Variants in ARFGEF1 observed in about 807,000 individuals in gnomAD.
ARFGEF1 encodes ARF guanine nucleotide exchange factor 1.
Under a neutral mutation model 231.0 loss-of-function variants are expected in ARFGEF1, and 42 were observed. The observed-to-expected ratio is 0.18, with a 90% CI of 0.14 to 0.24. ARFGEF1 has a LOEUF of 0.24. ARFGEF1 is among the 10% of genes least tolerant of loss of function. The pLI, the probability that ARFGEF1 is intolerant of heterozygous loss-of-function variation, is 1.00. For synonymous variants in ARFGEF1, 710 were observed against 732.3 expected (o/e 0.97, Z 0.49); for missense variants, 1,345 against 2,192.0 (o/e 0.61, Z 7.72).
At chr8:67,223,412 G>C (rs750890320) in intron 29 of ARFGEF1, among the ~76,000 whole-genome samples, 2 of 152,176 alleles carry the variant, frequency 1.3e-5, no homozygotes, top group East Asian at 3.9e-4. Flanking sequence ...ATGTTGCCTA[G>C]GTTGGTTTCA....
chr8:67,199,351 T>C, intron 38 of ARFGEF1: 1 of 348,498 alleles, frequency 2.9e-6, no homozygotes, highest in Non-Finnish European at 5.1e-6. Flanking sequence ...TTTAGTAATT[T>C]AGCACTGTTT....
chr8:67,184,050 A>G (rs1337401254), intron 5 of ARFGEF1, among the ~76,000 whole-genome samples: 1 of 151,962 alleles, frequency 6.6e-6, no homozygotes, highest in African/African-American at 2.4e-5. Flanking sequence ...ACGGGGTTTC[A>G]CCGTGTTGGC....
intron 1 of ARFGEF1, among the ~76,000 whole-genome samples, chr8:67,309,521 TC>T (rs1308822330): frequency 1.3e-5 from 2 of 152,182 alleles, no homozygotes. Flanking sequence ...TCGCATACCT[TC>T]CCTACTTATG....
At chr8:67,249,429 T>TA (rs1177305429) in intron 19 of ARFGEF1, among the ~76,000 whole-genome samples, 4 of 149,950 alleles carry the variant, frequency 2.7e-5, no homozygotes, top group Non-Finnish European at 5.9e-5. Flanking sequence ...ACAACGGGTT[T>TA]ATTGAGACAT....
chr8:67,211,368 A>AAAAAAAAAG (rs1176673836), intron 34 of ARFGEF1, 115 bp downstream of exon 34: 1 of 596,920 alleles, frequency 1.7e-6, no homozygotes, highest in African/African-American at 2.0e-5. Context: ...AAAAAAAAGA[A>AAAAAAAAAG]GTGATGACAC....
At chr8:67,321,373 A>G (rs75535106) in intron 1 of ARFGEF1, among the ~76,000 whole-genome samples, 4,480 of 152,310 alleles carry the variant, frequency 0.029, 77 homozygotes, top group Non-Finnish European at 0.046. Context: ...CAGTAATGTG[A>G]CGTAGTTGGT....
chr8:67,296,008 T>C (rs917633450), intron 5 of ARFGEF1, among the ~76,000 whole-genome samples: 1 of 152,192 alleles, frequency 6.6e-6, no homozygotes, highest in Non-Finnish European at 1.5e-5. Flanking sequence ...ATAAGGAATA[T>C]CATGCCCCTT....
chr8:67,192,369 C>T (rs776871583), intron 5 of ARFGEF1, among the ~76,000 whole-genome samples: 2 of 152,176 alleles, frequency 1.3e-5, no homozygotes, highest in Non-Finnish European at 2.9e-5. Context: ...GCCACCGCGC[C>T]CAGCCCTTTG....
Position 67,218,428 on chromosome 8 carries a change from T to C in ARFGEF1, c.4339-290A>G, listed in dbSNP as rs1386475349. Among the ~76,000 whole-genome samples the C allele has an allele frequency of 2.0e-5, 3 of 151,644 alleles. No homozygotes were observed. The East Asian group carries it at 5.8e-4, about 29-fold the overall frequency. ...TGATTATTAAAAAAAACCATCACCG[T>C]ATCATCTTGATACTAACATTATGAT... On this transcript the variant is annotated intron_variant, in intron 30 of 38. Coordinates refer to ENST00000262215, the MANE Select transcript of ARFGEF1 (RefSeq NM_006421.5).
At chr8:67,273,324 T>C (rs998397607) in intron 9 of ARFGEF1, among the ~76,000 whole-genome samples, 3 of 147,400 alleles carry the variant, frequency 2.0e-5, no homozygotes, top group African/African-American at 7.5e-5. Context: ...GAAACTGATC[T>C]CTTAAGCCCA....
chr8:67,239,131 C>A (rs1244667392), intron 20 of ARFGEF1, among the ~76,000 whole-genome samples: 7 of 151,996 alleles, frequency 4.6e-5, no homozygotes, highest in African/African-American at 1.7e-4. Flanking sequence ...CTCAGCCTCC[C>A]GAGTAGCTGG....
chr8:67,243,215 T>C (rs1214385511), intron 19 of ARFGEF1, among the ~76,000 whole-genome samples: 2 of 152,326 alleles, frequency 1.3e-5, no homozygotes. Context: ...CTAAAGCAGA[T>C]ACGGCATGGA....
rs552162558 is a variant in ARFGEF1, at chr8:67,288,385, C to T, written c.917-320G>A. Among the ~76,000 whole-genome samples, 244 of 149,938 alleles carry T rather than the reference C, an allele frequency of 1.6e-3. 1 individual carries two copies. Among genetic ancestry groups the T allele is most frequent in the African/African-American group, 5.5e-3 (216 of 39,280 alleles). On this transcript the variant is annotated intron_variant, in intron 6 of 38. Transcript: ENST00000262215. ...AATGAAACATTTCTAACATGTCCTA[C>T]AGATGCTTACTTATACTTAGTACAC...
intron 15 of ARFGEF1, among the ~76,000 whole-genome samples, chr8:67,259,175 G>C (rs753502122): frequency 6.6e-6 from 1 of 152,188 alleles, no homozygotes; most frequent in Non-Finnish European, 1.5e-5. Context: ...CATGGATACA[G>C]AACTCATGGC....
At chr8:67,210,038 C>T (rs927856202) in intron 34 of ARFGEF1, among the ~76,000 whole-genome samples, 1 of 151,540 alleles carries the variant, frequency 6.6e-6, no homozygotes, top group African/African-American at 2.4e-5. Context: ...ACCTGTAGTC[C>T]CAGCTACTCG....
intron 33 of ARFGEF1, among the ~76,000 whole-genome samples, chr8:67,212,524 C>CA (rs1838785711): frequency 6.6e-6 from 1 of 152,218 alleles, no homozygotes; most frequent in African/African-American, 2.4e-5. Context: ...ACACTAGCAG[C>CA]ACAGTGTTGG....
intron 19 of ARFGEF1, among the ~76,000 whole-genome samples, chr8:67,250,192 C>A (rs899650096): frequency 3.3e-5 from 5 of 152,070 alleles, no homozygotes; most frequent in Admixed American, 3.3e-4. Context: ...TAAAAAGCTT[C>A]AAGTAAGAAG....
intron 1 of ARFGEF1, among the ~76,000 whole-genome samples, chr8:67,335,910 C>T (rs975766761): frequency 2.6e-5 from 4 of 152,078 alleles, no homozygotes; most frequent in Admixed American, 6.6e-5. Flanking sequence ...CCACCACGCC[C>T]GGCTAACTTT....
At chr8:67,312,245 T>TA (rs771238790) in intron 1 of ARFGEF1, among the ~76,000 whole-genome samples, 2,780 of 113,018 alleles carry the variant, frequency 0.025, 92 homozygotes, top group African/African-American at 0.081. Flanking sequence ...AAAAAAAAAT[T>TA]AAAAAAAAAA....
Sources: allele counts gnomAD v4.1 joint callset (sites outside exome capture counted in the v4.1 genomes callset), GRCh38; gene constraint gnomAD v4.1.1; transcripts MANE v1.5; gene names NCBI Gene and HGNC (gene_info 2026-07-23, HGNC 2026-07-21).